RGS12: variants seen among roughly 807,000 people sequenced by gnomAD.
RGS12 encodes regulator of G protein signaling 12.
RGS12 carries 66 observed loss-of-function variants against 120.1 expected under a neutral mutation model. The observed-to-expected ratio is 0.55, with a 90% confidence interval of 0.45 to 0.67. RGS12 has a LOEUF of 0.67. Ranked by LOEUF, RGS12 falls within the 30% of genes least tolerant of loss-of-function variation. The probability of loss-of-function intolerance (pLI) is 0.00; values close to 1 mark genes in which losing one functional copy is unlikely to be tolerated. For missense variants in RGS12, 1,859 were observed against 1,957.7 expected, an observed-to-expected ratio of 0.95 and a Z score of 0.95; for synonymous variants, 827 against 804.7, an observed-to-expected ratio of 1.03 and a Z score of -0.47.
At chr4:3,358,319 T>C (rs1715091236) in intron 3 of RGS12, among the ~76,000 whole-genome samples, 2 of 152,304 alleles carry the variant, frequency 1.3e-5, no homozygotes, top group South Asian at 4.1e-4. Context: ...TTTGGGGGCC[T>C]TTCATTTCTT....
At position 3,417,256 on chromosome 4, in the gene RGS12, C is replaced by T. The variant is rs1373110174; in HGVS notation, c.2608-132C>T. 4 of 1,303,380 alleles carry T rather than the reference C, an allele frequency of 3.1e-6. No individual in the cohort carries two copies. The East Asian group carries it at 7.6e-5, about 25-fold the overall frequency. The allele number at this position is 1,303,380 out of a possible 1,614,324, so 80.7% of individuals were successfully genotyped here. On this transcript the variant is annotated intron_variant, in intron 8 of 17. Transcript: ENST00000336727. ...GCTGTCTGGAGTCCTGTCAGGGCCA[C>T]ACCATGACCTGTAGAAGTGATACCA... is the stretch of plus-strand genomic sequence containing the variant.
At chr4:3,377,245 T>C (rs188838998) in intron 3 of RGS12, among the ~76,000 whole-genome samples, 303 of 152,272 alleles carry the variant, frequency 2.0e-3, no homozygotes, top group African/African-American at 7.0e-3. Flanking sequence ...CTAATTTTTG[T>C]ATTTTTTGTA....
At chr4:3,400,700 C>G (rs570419214) in intron 4 of RGS12, among the ~76,000 whole-genome samples, 62 of 148,566 alleles carry the variant, frequency 4.2e-4, no homozygotes, top group African/African-American at 1.4e-3. Context: ...ATTAGTAATA[C>G]TAATTGCTTA....
chr4:3,414,677 T>C lies in RGS12; in HGVS notation c.2191-75T>C. ...CACTGAGCAGCCAGTGACCCCGTGG[T>C]TTCTGTAGAAGGGGAAGTAGGAAAA... On this transcript the variant is annotated intron_variant, in intron 5 of 17. Coordinates refer to ENST00000336727, the MANE Select transcript of RGS12 (RefSeq NM_001394154.1). 5.6e-6 allele frequency: 6 copies of C among 1,078,892 alleles called. No homozygotes were observed. In the South Asian group the frequency reaches 8.0e-5, roughly 14 times the overall value. The allele number at this position is 1,078,892 out of a possible 1,614,324, so 66.8% of individuals were successfully genotyped here. A position where few individuals can be genotyped will look rare whatever the true frequency, so the allele number is the denominator to read the frequency against.
At chr4:3,431,970 T>C (rs1412072575) in intron 17 of RGS12, 1 of 985,310 alleles carries the variant, frequency 1.0e-6, no homozygotes, top group Non-Finnish European at 1.2e-6. Context: ...ACGTGTGGCA[T>C]GGGAGGGGCT....
At chr4:3,416,262 G>C in intron 7 of RGS12, 141 bp downstream of exon 7, 1 of 990,424 alleles carries the variant, frequency 1.0e-6, no homozygotes, top group Non-Finnish European at 1.5e-6. Flanking sequence ...CAGACAGAAA[G>C]TGGGGCTTTC....
intron 1 of RGS12, among the ~76,000 whole-genome samples, chr4:3,298,091 ATC>A (rs1439613671): frequency 6.6e-6 from 1 of 151,730 alleles, no homozygotes; most frequent in Admixed American, 6.6e-5. Context: ...TCTGTGTGTG[ATC>A]TCTCCTGCCT....
At chr4:3,439,095 C>G (rs891882162) in intron 17 of RGS12, among the ~76,000 whole-genome samples, 2 of 151,928 alleles carry the variant, frequency 1.3e-5, no homozygotes, top group African/African-American at 2.4e-5. Flanking sequence ...CCTGGGGGGG[C>G]CCCTGAGGAC....
chr4:3,306,867 G>A (rs775806577), intron 1 of RGS12, among the ~76,000 whole-genome samples: 43 of 152,256 alleles, frequency 2.8e-4, no homozygotes, highest in Non-Finnish European at 3.5e-4. Context: ...GTTGGGCTGG[G>A]TAGAGGGGTG....
At chr4:3,371,658 AGGCACAGCGGGTGG>A (rs1717002861) in intron 3 of RGS12, among the ~76,000 whole-genome samples, 1 of 152,110 alleles carries the variant, frequency 6.6e-6, no homozygotes, top group Admixed American at 6.5e-5. Context: ...TCGCAGTCAG[AGGCACAGCGGGTGG>A]GTGGGCGTCT....
At chr4:3,302,936 T>A (rs1203780900) in intron 1 of RGS12, among the ~76,000 whole-genome samples, 5 of 152,220 alleles carry the variant, frequency 3.3e-5, no homozygotes. Flanking sequence ...CTTAACTGTC[T>A]GTGACCCCGG....
At position 3,416,004 on chromosome 4, in the gene RGS12, C is replaced by T. The variant is rs771769389; in HGVS notation, c.2310C>T (p.Phe770=). 2 of 1,612,668 alleles carry T rather than the reference C, an allele frequency of 1.2e-6. No individual in the cohort carries two copies. Among genetic ancestry groups the T allele is most frequent in the Non-Finnish European group, 1.7e-6 (2 of 1,179,478 alleles). Residue 770 remains phenylalanine (F), a synonymous_variant, in exon 7 of 18, where the codon TTC becomes TTT. Transcript: ENST00000336727. ...TTTCCTACAGGGCCCGGGAGATTTT[C>T]AGTAAGTTTCTCTGCAGCAAAGCCA... The part of the protein sequence containing the change: ...KELSYRAREI[F]SKFLCSKATT...
Position 3,342,953 on chromosome 4 carries a change from G to T in RGS12, c.1898G>T (p.Arg633Leu), listed in dbSNP as rs61748736. 1 of 1,612,488 alleles carries T rather than the reference G, an allele frequency of 6.2e-7. No individual in the cohort carries two copies. Among genetic ancestry groups the T allele is most frequent in the Non-Finnish European group, 8.5e-7 (1 of 1,178,908 alleles). The change falls in exon 3 of 18, where the codon CGG (arginine) becomes CTG (leucine). Residue 633 changes from arginine (R) to leucine (L), a missense_variant. This residue lies in a region of RGS12 where 967 missense variants were observed against 994.2 expected (regional missense o/e 0.97). Coordinates refer to ENST00000336727, the MANE Select transcript of RGS12 (RefSeq NM_001394154.1). ...KEDKKGSKFGRGTGLTQPSQR... is the reference protein window; with the variant it reads ...KEDKKGSKFGLGTGLTQPSQR... Reference sequence around the variant, plus strand: ...CGTGTTTAGGGCTCAAAATTTGGGCGGGGAACTGGACTCACTCAGCCTTCT... The same window carrying T: ...CGTGTTTAGGGCTCAAAATTTGGGCTGGGAACTGGACTCACTCAGCCTTCT...
At chr4:3,324,954 A>T (rs1045597161) in intron 2 of RGS12, among the ~76,000 whole-genome samples, 1 of 152,292 alleles carries the variant, frequency 6.6e-6, no homozygotes, top group South Asian at 2.1e-4. Flanking sequence ...TACCTTGGCC[A>T]TTTTTCTACC....
intron 3 of RGS12, among the ~76,000 whole-genome samples, chr4:3,376,796 C>G (rs937913019): frequency 4.6e-5 from 7 of 152,132 alleles, no homozygotes; most frequent in Non-Finnish European, 8.8e-5. Context: ...AGCCACTAAG[C>G]CAGGGCATCT....
chr4:3,299,145 C>T (rs944267597), intron 1 of RGS12, among the ~76,000 whole-genome samples: 4 of 152,056 alleles, frequency 2.6e-5, no homozygotes, highest in Non-Finnish European at 4.4e-5. Context: ...CTGCTGCAGT[C>T]TCTGCTTGGT....
chr4:3,384,247 C>T (rs35986547), intron 3 of RGS12, among the ~76,000 whole-genome samples: 20,849 of 152,034 alleles, frequency 0.14, 2,089 homozygotes, highest in Non-Finnish European at 0.2. Context: ...CTCTACCTCC[C>T]GGGTTCAAGC....
Position 3,416,985 on chromosome 4 carries a change from G to A in RGS12, c.2500G>A (p.Ala834Thr), listed in dbSNP as rs1244729883. Reference sequence around the variant, plus strand: ...CCCGCTGTACCAGGAATGCATCCTGGCGGAAGTGGAGGGCCGTGCACTCCC... The same window carrying A: ...CCCGCTGTACCAGGAATGCATCCTGACGGAAGTGGAGGGCCGTGCACTCCC... ...KSPLYQECIL[A>T]EVEGRALPDS... The change falls in exon 8 of 18, where the codon GCG becomes ACG. Residue 834 changes from alanine (A) to threonine (T), a missense_variant. By Grantham distance (58) the Ala-to-Thr change is moderately conservative (BLOSUM62 0). Coordinates refer to ENST00000336727, the MANE Select transcript of RGS12 (RefSeq NM_001394154.1). 3 of 1,613,414 alleles carry A rather than the reference G, an allele frequency of 1.9e-6. No homozygotes were observed. Among genetic ancestry groups the A allele is most frequent in the Admixed American group, 3.3e-5 (2 of 60,030 alleles).
chr4:3,323,630 C>G (rs1725352985), intron 2 of RGS12, among the ~76,000 whole-genome samples: 2 of 152,324 alleles, frequency 1.3e-5, no homozygotes, highest in East Asian at 1.9e-4. Context: ...CCATTTCTTA[C>G]TGAATCAGTC....
Sources: gnomAD v4.1 joint callset for allele counts (sites outside exome capture counted in the v4.1 genomes callset) on GRCh38, gnomAD v4.1.1 for gene constraint, gnomAD v4.1.1 regional missense constraint, MANE v1.5 for transcripts, NCBI Gene and HGNC (gene_info 2026-07-23, HGNC 2026-07-21) for gene names.